The following FAM83B variants were observed in gnomAD, a reference collection of about 807,000 sequenced individuals.
The protein encoded by FAM83B is protein FAM83B.
Under a neutral mutation model 38.8 loss-of-function variants are expected in FAM83B, and 26 were observed. That is an observed-to-expected ratio of 0.67 (90% CI 0.49 to 0.93). FAM83B has a LOEUF of 0.93. Ranked by LOEUF, FAM83B falls within the 40% of genes least tolerant of loss-of-function variation. The probability of loss-of-function intolerance (pLI) is 0.00; values close to 1 mark genes in which losing one functional copy is unlikely to be tolerated. For missense variants in FAM83B, 1,237 were observed against 1,197.3 expected, an observed-to-expected ratio of 1.03 and a Z score of -0.49; for synonymous variants, 419 against 423.1, an observed-to-expected ratio of 0.99 and a Z score of 0.12.
intron 2 of FAM83B, among the ~76,000 whole-genome samples, chr6:54,902,754 CTCAG>C (rs1201195885): frequency 1.3e-5 from 2 of 152,144 alleles, no homozygotes; most frequent in Non-Finnish European, 2.9e-5. Context: ...TAACCTGTAA[CTCAG>C]TCAGGCAGAA....
intron 2 of FAM83B, among the ~76,000 whole-genome samples, chr6:54,890,677 C>A (rs1231986365): frequency 1.3e-4 from 20 of 151,990 alleles, no homozygotes; most frequent in Non-Finnish European, 2.6e-4. Flanking sequence ...CCACCACCTG[C>A]CACCATAAGA....
chr6:54,931,619 T>A (rs1380847870), intron 4 of FAM83B, among the ~76,000 whole-genome samples: 2 of 152,148 alleles, frequency 1.3e-5, no homozygotes, highest in Non-Finnish European at 2.9e-5. Flanking sequence ...CAGCAATTCC[T>A]GCTTTCTCTT....
chr6:54,885,490 C>A (rs1772253637), intron 2 of FAM83B, among the ~76,000 whole-genome samples: 1 of 151,610 alleles, frequency 6.6e-6, no homozygotes, highest in African/African-American at 2.4e-5. Flanking sequence ...TGGATTGATA[C>A]CCTTATTAAT....
intron 2 of FAM83B, among the ~76,000 whole-genome samples, chr6:54,898,141 T>C (rs942756928): frequency 6.6e-6 from 1 of 152,182 alleles, no homozygotes; most frequent in African/African-American, 2.4e-5. Context: ...AAATAGGCTT[T>C]CTAAGAATCC....
intron 2 of FAM83B, among the ~76,000 whole-genome samples, chr6:54,878,635 TGAGTAGAA>T (rs1319045370): frequency 5.9e-5 from 9 of 152,088 alleles, no homozygotes; most frequent in Non-Finnish European, 1.2e-4. Flanking sequence ...AAAGAGGAGA[TGAGTAGAA>T]GATGCATCAG....
At chr6:54,865,697 T>G (rs151027227) in intron 1 of FAM83B, among the ~76,000 whole-genome samples, 2 of 152,206 alleles carry the variant, frequency 1.3e-5, no homozygotes, top group African/African-American at 4.8e-5. Context: ...GACTTTTGAT[T>G]TAAAAAAGCT....
chr6:54,880,441 CTTT>C (rs1180941250), intron 2 of FAM83B, among the ~76,000 whole-genome samples: 1 of 106,216 alleles, frequency 9.4e-6, no homozygotes, highest in East Asian at 2.5e-4. Context: ...TAGAAGGTTT[CTTT>C]TTTTTTTTTT....
chr6:54,906,375 AT>A (rs1417992022), intron 2 of FAM83B, among the ~76,000 whole-genome samples: 2 of 151,982 alleles, frequency 1.3e-5, no homozygotes, highest in African/African-American at 2.4e-5. Context: ...AATTATTATT[AT>A]TTTTATGCTT....
chr6:54,902,805 T>C (rs1443444030), intron 2 of FAM83B, among the ~76,000 whole-genome samples: 4 of 152,218 alleles, frequency 2.6e-5, no homozygotes, highest in African/African-American at 9.6e-5. Flanking sequence ...CAAGGAGTGC[T>C]GATTACTGTA....
intron 4 of FAM83B, among the ~76,000 whole-genome samples, chr6:54,936,282 G>A (rs555839570): frequency 1.4e-4 from 21 of 152,058 alleles, no homozygotes; most frequent in African/African-American, 4.3e-4. Flanking sequence ...CACCAACACC[G>A]TATCTTCTTA....
At chr6:54,883,492 G>A (rs1259447658) in intron 2 of FAM83B, among the ~76,000 whole-genome samples, 2 of 151,458 alleles carry the variant, frequency 1.3e-5, no homozygotes, top group African/African-American at 4.9e-5. Flanking sequence ...GTACCACCAT[G>A]CCTGGCTAAT....
At chr6:54,866,341 A>C (rs948028557) in intron 1 of FAM83B, among the ~76,000 whole-genome samples, 4 of 152,076 alleles carry the variant, frequency 2.6e-5, no homozygotes, top group Non-Finnish European at 5.9e-5. Flanking sequence ...TCCTTTACCC[A>C]GTTTTCCCCA....
intron 2 of FAM83B, among the ~76,000 whole-genome samples, chr6:54,896,751 G>A (rs1772546853): frequency 6.6e-6 from 1 of 152,076 alleles, no homozygotes; most frequent in East Asian, 1.9e-4. Context: ...GAGAAGTCAG[G>A]AAAGTATCTT....
chr6:54,854,601 C>A (rs1351344291), intron 1 of FAM83B, among the ~76,000 whole-genome samples: 1 of 152,148 alleles, frequency 6.6e-6, no homozygotes, highest in Non-Finnish European at 1.5e-5. Flanking sequence ...ATTGATGTTT[C>A]AGACATAATG....
Position 54,927,578 on chromosome 6 carries a change from T to C in FAM83B, c.680T>C (p.Met227Thr). ...SKTGAKFHGK[M>T]EQKFLLVDCQ... is the part of the protein sequence containing the mutation. ...ACAGGGGCAAAATTCCATGGAAAAA[T>C]GGAACAGAAATTTTTGTTAGTTGAC... The change falls in exon 4 of 5, where the codon ATG becomes ACG. Residue 227 changes from methionine (M) to threonine (T), a missense_variant. By Grantham distance (81) the Met-to-Thr change is moderately conservative. Transcript: ENST00000306858. The C allele has an allele frequency of 6.2e-7, 1 of 1,608,312 alleles. No homozygotes were observed. Among genetic ancestry groups the C allele is most frequent in the Non-Finnish European group, 8.5e-7 (1 of 1,176,662 alleles).
intron 4 of FAM83B, among the ~76,000 whole-genome samples, chr6:54,937,720 A>G (rs957503608): frequency 2.0e-4 from 30 of 152,242 alleles, no homozygotes; most frequent in African/African-American, 7.0e-4. Flanking sequence ...ATGTGTCTAC[A>G]ATTCAGCAGA....
intron 2 of FAM83B, 147 bp downstream of exon 2, chr6:54,870,837 G>A: frequency 1.3e-6 from 1 of 771,708 alleles, no homozygotes; most frequent in Non-Finnish European, 2.0e-6. Context: ...TGGATACACA[G>A]GAAGGTTGTA....
chr6:54,876,417 C>T (rs1433745656), intron 2 of FAM83B, among the ~76,000 whole-genome samples: 1 of 149,590 alleles, frequency 6.7e-6, no homozygotes, highest in Non-Finnish European at 1.5e-5. Flanking sequence ...TCTGTCCCCC[C>T]AGGTTCAAGC....
chr6:54,911,452 C>T (rs371723263), intron 2 of FAM83B, among the ~76,000 whole-genome samples: 2 of 152,012 alleles, frequency 1.3e-5, no homozygotes, highest in East Asian at 3.9e-4. Flanking sequence ...TTGTAATTTA[C>T]TTTAAAATTA....
Sources: allele counts gnomAD v4.1 joint callset (sites outside exome capture counted in the v4.1 genomes callset), GRCh38; gene constraint gnomAD v4.1.1; transcripts MANE v1.5; gene names NCBI Gene and HGNC (gene_info 2026-07-23, HGNC 2026-07-21).